RNPEP: variants seen among roughly 807,000 people sequenced by gnomAD.
RNPEP encodes the protein aminopeptidase B.
A neutral mutation model predicts 70.1 loss-of-function variants in RNPEP; 57 were observed. The ratio of observed to expected loss-of-function variants is 0.81; its 90% CI spans 0.66 to 1.01. RNPEP has a LOEUF of 1.01. Ranked by LOEUF, RNPEP falls within the 50% of genes least tolerant of loss-of-function variation. RNPEP has a pLI of 0.00. For missense variants in RNPEP, 787 were observed against 852.4 expected, an observed-to-expected ratio of 0.92 and a Z score of 0.96; for synonymous variants, 335 against 357.4, an observed-to-expected ratio of 0.94 and a Z score of 0.71.
chr1:201,989,595 A>G (rs1571626154), intron 3 of RNPEP, 64 bp downstream of exon 3: 10 of 1,573,380 alleles, frequency 6.4e-6, no homozygotes, highest in Non-Finnish European at 8.7e-6. Context: ...GACTCTGACC[A>G]GTGGACCTGC....
chr1:201,988,429 G>A (rs1683205784), intron 1 of RNPEP, among the ~76,000 whole-genome samples: 1 of 139,046 alleles, frequency 7.2e-6, no homozygotes, highest in Admixed American at 7.9e-5. Context: ...CTGTACTCCA[G>A]CCTGGGCGAC....
At position 201,989,048 on chromosome 1, in the gene RNPEP, A is replaced by G; in HGVS notation, c.588+4A>G. 6.2e-7 allele frequency: 1 copy of G among 1,612,658 alleles called. No homozygotes were observed. Among genetic ancestry groups the G allele is most frequent in the Non-Finnish European group, 8.5e-7 (1 of 1,179,510 alleles). On this transcript the variant is annotated splice_donor_region_variant and intron_variant, in intron 2 of 10. Coordinates refer to ENST00000295640, the MANE Select transcript of RNPEP (RefSeq NM_020216.4). ...CAAGTATTCAGCTCTTATTGAGGTA[A>G]GGAGACTAAGGTTAGGTGCACCTGC...
intron 1 of RNPEP, among the ~76,000 whole-genome samples, chr1:201,985,701 C>A (rs952879534): frequency 6.6e-6 from 1 of 152,102 alleles, no homozygotes; most frequent in Non-Finnish European, 1.5e-5. Flanking sequence ...TATTATTAAC[C>A]AAGATTGAAT....
At chr1:201,995,676 TAAAAA>T (rs200798934) in intron 3 of RNPEP, 1 of 154,300 alleles carries the variant, frequency 6.5e-6, no homozygotes, top group African/African-American at 2.5e-5. Context: ...GAACCTGTCT[TAAAAA>T]AAAAATAAAA....
intron 3 of RNPEP, 38 bp downstream of exon 3, chr1:201,989,569 C>T (rs1683249134): frequency 6.2e-7 from 1 of 1,611,832 alleles, no homozygotes; most frequent in Non-Finnish European, 8.5e-7. Flanking sequence ...GTTGGATTGG[C>T]CTCAGAGGTG....
intron 6 of RNPEP, chr1:202,001,004 A>G (rs1683779012): frequency 4.7e-6 from 1 of 211,090 alleles, no homozygotes; most frequent in Admixed American, 5.6e-5. Context: ...ATGCTGATGG[A>G]ACCTACCCAC....
chr1:201,983,615 C>T, intron 1 of RNPEP: 1 of 1,253,934 alleles, frequency 8.0e-7, no homozygotes, highest in Non-Finnish European at 1.0e-6. Flanking sequence ...TCTAGTTCCA[C>T]GGTTAAAGCT....
intron 1 of RNPEP, among the ~76,000 whole-genome samples, chr1:201,984,305 C>T (rs776462591): frequency 8.6e-5 from 13 of 151,972 alleles, no homozygotes; most frequent in Non-Finnish European, 1.5e-4. Context: ...TTGGTTGGGT[C>T]TGAAAAGGTG....
chr1:201,984,076 G>A (rs1352953106), intron 1 of RNPEP, among the ~76,000 whole-genome samples: 2 of 152,150 alleles, frequency 1.3e-5, no homozygotes, highest in Non-Finnish European at 2.9e-5. Context: ...GACTACAGGC[G>A]TGCGCCACCA....
At chr1:201,992,145 T>G (rs999492239) in intron 3 of RNPEP, among the ~76,000 whole-genome samples, 1 of 151,510 alleles carries the variant, frequency 6.6e-6, no homozygotes, top group Non-Finnish European at 1.5e-5. Flanking sequence ...GTCCTCCCAC[T>G]TCAGTCTCCA....
chr1:201,994,792 AG>A (rs1182372972), intron 3 of RNPEP, among the ~76,000 whole-genome samples: 1 of 146,378 alleles, frequency 6.8e-6, no homozygotes, highest in Non-Finnish European at 1.5e-5. Flanking sequence ...TCAGCCTCTC[AG>A]GTAGCTGGGA....
intron 8 of RNPEP, 139 bp from the exon 9 acceptor site, chr1:202,003,098 A>T: frequency 1.6e-6 from 1 of 634,930 alleles, no homozygotes; most frequent in Non-Finnish European, 2.8e-6. Context: ...GAATAGTTAC[A>T]TGGGAAAGTA....
At chr1:201,993,652 G>A (rs1683427207) in intron 3 of RNPEP, among the ~76,000 whole-genome samples, 2 of 150,310 alleles carry the variant, frequency 1.3e-5, no homozygotes, top group East Asian at 2.0e-4. Flanking sequence ...AGTGGCTCAC[G>A]CCTGTAGTCC....
intron 3 of RNPEP, among the ~76,000 whole-genome samples, chr1:201,992,900 A>C (rs1683393414): frequency 6.6e-6 from 1 of 152,250 alleles, no homozygotes; most frequent in Non-Finnish European, 1.5e-5. Context: ...ACAGATGTAC[A>C]GTCTTCAACT....
chr1:202,003,083 G>A (rs1002044491), intron 8 of RNPEP, 154 bp from the exon 9 acceptor site: 5 of 617,518 alleles, frequency 8.1e-6, no homozygotes, highest in East Asian at 2.8e-5. Context: ...GGACCCTGCT[G>A]GAGCGAATAG....
intron 3 of RNPEP, among the ~76,000 whole-genome samples, chr1:201,995,149 T>C (rs906818778): frequency 6.6e-6 from 1 of 152,222 alleles, no homozygotes; most frequent in Admixed American, 6.5e-5. Context: ...GCCACCTTTG[T>C]TTCCCTATCT....
At position 201,989,630 on chromosome 1, in the gene RNPEP, G is replaced by C; in HGVS notation, c.737+99G>C. 2.3e-6 allele frequency: 3 copies of C among 1,320,954 alleles called. No individual in the cohort carries two copies. In the South Asian group the frequency reaches 3.9e-5, roughly 17 times the overall value. 81.8% of individuals were successfully genotyped at this position (1,320,954 alleles called of 1,614,324 possible). On this transcript the variant is annotated intron_variant, in intron 3 of 10. Coordinates refer to ENST00000295640, the MANE Select transcript of RNPEP (RefSeq NM_020216.4). Reference sequence around the variant, plus strand: ...CTGGGGGGGTTCTTGGGCAGTCTTGGATCCTCTGTCTGAGTCCAGAGCCTT... The same window carrying C: ...CTGGGGGGGTTCTTGGGCAGTCTTGCATCCTCTGTCTGAGTCCAGAGCCTT...
intron 1 of RNPEP, chr1:201,983,444 A>C: frequency 6.9e-7 from 1 of 1,446,310 alleles, no homozygotes; most frequent in Non-Finnish European, 9.3e-7. Flanking sequence ...CGTTTCTAAC[A>C]TTTTCCGTGG....
rs1309138419 is a variant in RNPEP at position 202,000,118 on chromosome 1, A to G, written c.1204+103A>G. ...GATCAGTGCACGCTTAGAATACTTT[A>G]TTTGGAGGGAGGGGCACTCCAGAGC... On this transcript the variant is annotated intron_variant, in intron 6 of 10. Transcript: ENST00000295640. 12 of 845,858 alleles carry G rather than the reference A, an allele frequency of 1.4e-5. 1 individual carries two copies. The highest frequency in any genetic ancestry group is 1.0e-4 in the South Asian group (6 of 57,838). 52.4% of individuals were successfully genotyped at this position (845,858 alleles called of 1,614,324 possible).
Sources: gnomAD v4.1 joint callset for allele counts (sites outside exome capture counted in the v4.1 genomes callset) on GRCh38, gnomAD v4.1.1 for gene constraint, MANE v1.5 for transcripts, NCBI Gene and HGNC (gene_info 2026-07-23, HGNC 2026-07-21) for gene names.